Variants in ZNF483 observed in about 807,000 individuals in gnomAD.
ZNF483 encodes the protein zinc finger protein HIT-10.
A neutral mutation model predicts 28.6 loss-of-function variants in ZNF483; 9 were observed. The ratio of observed to expected loss-of-function variants is 0.32; its 90% confidence interval spans 0.19 to 0.55. The LOEUF is 0.55. Ranked by LOEUF, ZNF483 falls within the 20% of genes least tolerant of loss-of-function variation. The pLI, the probability that ZNF483 is intolerant of heterozygous loss-of-function variation, is 0.93. For synonymous variants in ZNF483, 322 were observed against 306.2 expected (o/e 1.05, Z -0.54); for missense variants, 675 against 871.7 (o/e 0.77, Z 2.84).
At position 111,551,772 on chromosome 9, in the gene ZNF483, CA is replaced by C. The variant is rs1428882758; in HGVS notation, c.*8606del. Among the ~76,000 whole-genome samples, 1 of 152,078 alleles carries C rather than the reference CA, an allele frequency of 6.6e-6. No individual in the cohort carries two copies. The highest frequency in any genetic ancestry group is 1.5e-5 in the Non-Finnish European group (1 of 68,022). ...TAGAAAAATTCATTTAATATCTAGG[CA>C]AAATTATATCACTTTCAAAACTTTT... On this transcript the variant is annotated 3_prime_UTR_variant, in exon 6 of 6. Coordinates refer to ENST00000309235, the MANE Select transcript of ZNF483 (RefSeq NM_133464.5).
intron 5 of ZNF483, among the ~76,000 whole-genome samples, chr9:111,535,276 C>T (rs1014440787): frequency 5.9e-5 from 9 of 152,124 alleles, no homozygotes; most frequent in Non-Finnish European, 8.8e-5. Flanking sequence ...GAGGACGTAT[C>T]GAAACAAGAG....
rs1268151294 is a variant in ZNF483, at chr9:111,550,093, T to A, written c.*6923T>A. On this transcript the variant is annotated 3_prime_UTR_variant, in exon 6 of 6. Transcript: ENST00000309235. ...GTGTGTTTTTTGTTTTCGTTTTTGTTTTACTGTCATAGGCTGTCTCTGTGC... is the reference window on the plus strand; with the variant it reads ...GTGTGTTTTTTGTTTTCGTTTTTGTATTACTGTCATAGGCTGTCTCTGTGC... 6.6e-6 allele frequency among the ~76,000 whole-genome samples: 1 copy of A among 152,208 alleles called. No homozygotes were observed. Among genetic ancestry groups the A allele is most frequent in the African/African-American group, 2.4e-5 (1 of 41,432 alleles).
chr9:111,530,544 C>A (rs770700368), intron 2 of ZNF483, among the ~76,000 whole-genome samples: 2 of 151,148 alleles, frequency 1.3e-5, no homozygotes, highest in African/African-American at 4.9e-5. Flanking sequence ...TGGACTGAGG[C>A]CTTAACCTTT....
intron 5 of ZNF483, chr9:111,574,911 A>C: frequency 7.9e-7 from 1 of 1,267,536 alleles, no homozygotes; most frequent in Non-Finnish European, 1.1e-6. Context: ...TCATTAAGTC[A>C]CAAGCATTAT....
At position 111,541,748 on chromosome 9, in the gene ZNF483, A is replaced by G; in HGVS notation, c.813A>G (p.Ser271=). Residue 271 remains serine, a synonymous_variant, in exon 6 of 6, where the codon TCA becomes TCG. Coordinates refer to ENST00000309235, the MANE Select transcript of ZNF483 (RefSeq NM_133464.5). The part of the protein sequence containing the change: ...MEESQQYCGS[S]EEDHGNQGNS... ...AATCCCAGCAATATTGTGGCAGCTC[A>G]GAGGAGGATCACGGTAATCAGGGAA... 3 of 1,614,200 alleles carry G rather than the reference A, an allele frequency of 1.9e-6. No individual in the cohort carries two copies. The highest frequency in any genetic ancestry group is 2.5e-6 in the Non-Finnish European group (3 of 1,180,034).
In ZNF483 at chr9:111,551,875, C is replaced by G. The variant is rs1449361268; in HGVS notation, c.*8705C>G. 1.3e-5 allele frequency among the ~76,000 whole-genome samples: 2 copies of G among 152,142 alleles called. No individual in the cohort carries two copies. Among genetic ancestry groups the G allele is most frequent in the Non-Finnish European group, 2.9e-5 (2 of 68,024 alleles). ...AAGCAGTGCATAAATGGAAACAAAA[C>G]AGTTTATCAATACAATATATCATTC... On this transcript the variant is annotated 3_prime_UTR_variant, in exon 6 of 6. Coordinates refer to ENST00000309235, the MANE Select transcript of ZNF483 (RefSeq NM_133464.5).
rs1423675547 is a variant in ZNF483 at position 111,548,835 on chromosome 9, C to A, written c.*5665C>A. Among the ~76,000 whole-genome samples the A allele has an allele frequency of 6.9e-6, 1 of 144,552 alleles. No homozygotes were observed. Among genetic ancestry groups the A allele is most frequent in the Non-Finnish European group, 1.5e-5 (1 of 65,954 alleles). The allele number at this position is 144,552 out of a possible 152,430, so 94.8% of individuals were successfully genotyped here. Reference sequence around the variant, plus strand: ...GTTGACAGTTTTTTTTTTTTTCTTTCTGCATTAAGAGTATAACAACGCCAC... The same window carrying A: ...GTTGACAGTTTTTTTTTTTTTCTTTATGCATTAAGAGTATAACAACGCCAC... On this transcript the variant is annotated 3_prime_UTR_variant, in exon 6 of 6. Transcript: ENST00000309235.
rs949155251 is a variant in ZNF483, at chr9:111,543,820, A to G, written c.*650A>G. The G allele has an allele frequency of 2.2e-6, 2 of 909,448 alleles. No homozygotes were observed. Among genetic ancestry groups the G allele is most frequent in the Middle Eastern group, 5.9e-4 (1 of 1,686 alleles). 56.3% of individuals were successfully genotyped at this position (909,448 alleles called of 1,614,324 possible). ...TTCTTTTTTGGGATGGAGTCTCACT[A>G]TGTTGCCCAGACTGGTCTTGAACTC... On this transcript the variant is annotated 3_prime_UTR_variant, in exon 6 of 6. Transcript: ENST00000309235.
chr9:111,575,873 G>A (rs1377855496), intron 5 of ZNF483, among the ~76,000 whole-genome samples: 1 of 151,768 alleles, frequency 6.6e-6, no homozygotes, highest in Non-Finnish European at 1.5e-5. Context: ...AAAGCTCAAG[G>A]AACAAAAGAA....
Position 111,550,683 on chromosome 9 carries a change from C to T in ZNF483, c.*7513C>T, listed in dbSNP as rs775610143. On this transcript the variant is annotated 3_prime_UTR_variant, in exon 6 of 6. Transcript: ENST00000309235. ...CTATCCATGTCTTTGATTTTTCCTG[C>T]TTTCTTGAAGATTTCTTCAACTTTA... Among the ~76,000 whole-genome samples, 3 of 152,176 alleles carry T rather than the reference C, an allele frequency of 2.0e-5. No individual in the cohort carries two copies. Among genetic ancestry groups the T allele is most frequent in the Admixed American group, 6.5e-5 (1 of 15,278 alleles).
At chr9:111,565,815 G>A (rs1007671858) in intron 5 of ZNF483, among the ~76,000 whole-genome samples, 5 of 151,966 alleles carry the variant, frequency 3.3e-5, no homozygotes, top group Non-Finnish European at 7.4e-5. Flanking sequence ...ATGAGCCACC[G>A]CACCCAGCCT....
Position 111,541,758 on chromosome 9 carries a change from C to G in ZNF483, c.823C>G (p.His275Asp). 1 of 1,614,112 alleles carries G rather than the reference C, an allele frequency of 6.2e-7. No individual in the cohort carries two copies. Among genetic ancestry groups the G allele is most frequent in the Non-Finnish European group, 8.5e-7 (1 of 1,180,030 alleles). ...QQYCGSSEED[H>D]GNQGNSKGRV... ...ATATTGTGGCAGCTCAGAGGAGGAT[C>G]ACGGTAATCAGGGAAATTCAAAAGG... The change falls in exon 6 of 6, where the codon CAC becomes GAC. Residue 275 changes from histidine to aspartate, a missense_variant. Transcript: ENST00000309235.
In ZNF483 at chr9:111,538,368, A is replaced by T. The variant is rs577833432; in HGVS notation, c.722-3289A>T. ...TGTTTCTACAAAAAATTTAAACATC[A>T]GCCAGGCACAGTGGTGTGTGCCGTG... is the stretch of plus-strand genomic sequence containing the variant. On this transcript the variant is annotated intron_variant, in intron 5 of 5. Transcript: ENST00000309235. Among the ~76,000 whole-genome samples, 43 of 152,044 alleles carry T rather than the reference A, an allele frequency of 2.8e-4. 1 individual carries two copies. Among genetic ancestry groups the T allele is most frequent in the Non-Finnish European group, 4.7e-4 (32 of 68,004 alleles).
At position 111,551,974 on chromosome 9, in the gene ZNF483, G is replaced by GT. The variant is rs75163674; in HGVS notation, c.*8805dup. Among the ~76,000 whole-genome samples, 10,869 of 152,212 alleles carry GT rather than the reference G, an allele frequency of 0.071. 481 individuals are homozygous for GT. The highest frequency in any genetic ancestry group is 0.15 in the East Asian group (759 of 5,178). ...GTGCATATTGTCTCATTTGAAAAAT[G>GT]TGAGTTATTCTGTTTTATTTGTATT... On this transcript the variant is annotated 3_prime_UTR_variant, in exon 6 of 6. Transcript: ENST00000309235.
At chr9:111,571,109 G>C (rs1403959907) in intron 5 of ZNF483, among the ~76,000 whole-genome samples, 1 of 150,250 alleles carries the variant, frequency 6.7e-6, no homozygotes, top group African/African-American at 2.4e-5. Context: ...TTAACCTCTA[G>C]ACCTACAAGA....
rs890018636 is a variant in ZNF483 at position 111,551,641 on chromosome 9, A to T, written c.*8471A>T. 3.3e-5 allele frequency among the ~76,000 whole-genome samples: 5 copies of T among 152,054 alleles called. No individual in the cohort carries two copies. Among genetic ancestry groups the T allele is most frequent in the African/African-American group, 1.2e-4 (5 of 41,410 alleles). On this transcript the variant is annotated 3_prime_UTR_variant, in exon 6 of 6. Coordinates refer to ENST00000309235, the MANE Select transcript of ZNF483 (RefSeq NM_133464.5). ...GTTCTCCAACTCCTAAGCCCAGGCA[A>T]TCTGCCTGTCTCGGCCTCCCAAAGT... is the stretch of plus-strand genomic sequence containing the variant.
downstream of ZNF483, among the ~76,000 whole-genome samples, chr9:111,560,390 C>G (rs925805607): frequency 6.7e-6 from 1 of 150,074 alleles, no homozygotes; most frequent in African/African-American, 2.5e-5. Context: ...AGGAGAATCG[C>G]GTGAACCCTG....
chr9:111,549,135 TGA>T lies in ZNF483; in HGVS notation c.*5967_*5968del. ...TATTATCAGTGCAATAGAGAGTCAC[TGA>T]GTCACTGGAGGTTCTCTGTGTGTGT... is the stretch of plus-strand genomic sequence containing the variant. On this transcript the variant is annotated 3_prime_UTR_variant, in exon 6 of 6. Coordinates refer to ENST00000309235, the MANE Select transcript of ZNF483 (RefSeq NM_133464.5). Among the ~76,000 whole-genome samples, 1 of 152,334 alleles carries T rather than the reference TGA, an allele frequency of 6.6e-6. No homozygotes were observed. Among genetic ancestry groups the T allele is most frequent in the South Asian group, 2.1e-4 (1 of 4,824 alleles).
At chr9:111,568,055 A>G (rs1828646171) in intron 5 of ZNF483, among the ~76,000 whole-genome samples, 1 of 152,216 alleles carries the variant, frequency 6.6e-6, no homozygotes, top group African/African-American at 2.4e-5. Flanking sequence ...GTATTTGAAC[A>G]ATATGAAATC....
Sources: gnomAD v4.1 joint callset for allele counts (sites outside exome capture counted in the v4.1 genomes callset) on GRCh38, gnomAD v4.1.1 for gene constraint, MANE v1.5 for transcripts, NCBI Gene and HGNC (gene_info 2026-07-23, HGNC 2026-07-21) for gene names.